ANO5: variants seen among roughly 807,000 people sequenced by gnomAD.
ANO5 encodes the protein anoctamin-5.
ANO5 carries 109 observed loss-of-function variants against 121.0 expected under a neutral mutation model. That is an observed-to-expected ratio of 0.90 (90% CI 0.77 to 1.06). The LOEUF (loss-of-function observed/expected upper bound fraction) is 1.06, where lower values mean the gene tolerates loss of function less well. Among genes scored for constraint, ANO5 ranks in the 50% least tolerant of loss-of-function variants. ANO5 has a pLI of 0.00. For synonymous variants in ANO5, 406 were observed against 359.9 expected, an observed-to-expected ratio of 1.13 and a Z score of -1.45; for missense variants, 1,064 against 1,078.5, an observed-to-expected ratio of 0.99 and a Z score of 0.19.
chr11:22,253,221 A>G (rs549261953), intron 12 of ANO5, among the ~76,000 whole-genome samples: 1 of 152,248 alleles, frequency 6.6e-6, no homozygotes, highest in East Asian at 1.9e-4. Flanking sequence ...TGTGATTCCT[A>G]TATACTTATA....
intron 2 of ANO5, among the ~76,000 whole-genome samples, chr11:22,205,734 G>A (rs1391929390): frequency 6.6e-6 from 1 of 151,990 alleles, no homozygotes; most frequent in African/African-American, 2.4e-5. Context: ...TGGCAGAAAG[G>A]GAGTTGCGCT....
intron 8 of ANO5, among the ~76,000 whole-genome samples, chr11:22,236,889 T>C (rs1047550100): frequency 6.6e-6 from 1 of 152,212 alleles, no homozygotes; most frequent in East Asian, 1.9e-4. Context: ...CAAATCATTG[T>C]ACAAAAACAT....
intron 9 of ANO5, among the ~76,000 whole-genome samples, chr11:22,242,743 G>A (rs898806182): frequency 6.6e-6 from 1 of 151,940 alleles, no homozygotes; most frequent in Non-Finnish European, 1.5e-5. Context: ...TTGCTTTTGG[G>A]TCCTGAAACT....
chr11:22,262,418 C>G (rs997487531), intron 16 of ANO5, 120 bp downstream of exon 16: 49 of 1,022,730 alleles, frequency 4.8e-5, no homozygotes, highest in Admixed American at 4.3e-5. Flanking sequence ...GGCACTGACT[C>G]TATCCACAGA....
At chr11:22,241,699 T>G (rs1853438443) in intron 9 of ANO5, among the ~76,000 whole-genome samples, 1 of 152,102 alleles carries the variant, frequency 6.6e-6, no homozygotes, top group African/African-American at 2.4e-5. Flanking sequence ...TTTTGAGAAG[T>G]GTCTCTTCAT....
intron 21 of ANO5, 141 bp downstream of exon 21, chr11:22,276,340 C>A: frequency 4.2e-6 from 3 of 718,044 alleles, no homozygotes; most frequent in Non-Finnish European, 7.4e-6. Flanking sequence ...TCATAAAAAG[C>A]ACCTTAGGGA....
rs12289912 is a variant in ANO5 at position 22,201,330 on chromosome 11, G to A, written c.41-2474G>A. Among the ~76,000 whole-genome samples the A allele has an allele frequency of 3.2e-3, 487 of 152,100 alleles. 2 individuals carry two copies. The highest frequency in any genetic ancestry group is 0.011 in the African/African-American group (468 of 41,512). Reference sequence around the variant, plus strand: ...TTTTCAGAAACTTATCTTCTTTTGCGGATAAAAAGATAGTAATTAAAATGC... The same window carrying A: ...TTTTCAGAAACTTATCTTCTTTTGCAGATAAAAAGATAGTAATTAAAATGC... On this transcript the variant is annotated intron_variant, in intron 1 of 21. Transcript: ENST00000324559.
At chr11:22,250,204 A>C (rs1853758264) in intron 9 of ANO5, 33 bp from the exon 10 acceptor site, 1 of 1,541,448 alleles carries the variant, frequency 6.5e-7, no homozygotes, top group Admixed American at 1.7e-5. Flanking sequence ...ACATTCTTCC[A>C]TATTCTGATT....
chr11:22,257,842 G>A (rs907466212), intron 14 of ANO5, 88 bp downstream of exon 14: 7 of 1,136,282 alleles, frequency 6.2e-6, no homozygotes, highest in Middle Eastern at 2.5e-4. Context: ...TGTCTCTTGA[G>A]TCTTTCCTTT....
intron 9 of ANO5, among the ~76,000 whole-genome samples, chr11:22,249,569 C>T (rs1330163985): frequency 6.6e-6 from 1 of 152,034 alleles, no homozygotes; most frequent in Non-Finnish European, 1.5e-5. Context: ...AAGTTAAAAA[C>T]AAAACACTTG....
At chr11:22,255,552 A>G in intron 13 of ANO5, 30 bp downstream of exon 13, 2 of 1,610,392 alleles carry the variant, frequency 1.2e-6, no homozygotes, top group Admixed American at 1.7e-5. Context: ...AACGGACAGC[A>G]TATCTCAATG....
At chr11:22,274,087 A>C (rs1448970329) in intron 19 of ANO5, among the ~76,000 whole-genome samples, 1 of 151,910 alleles carries the variant, frequency 6.6e-6, no homozygotes, top group East Asian at 1.9e-4. Context: ...CAAATACTGA[A>C]ATTAATTGCA....
At chr11:22,206,727 A>G (rs1263955351) in intron 2 of ANO5, among the ~76,000 whole-genome samples, 1 of 152,154 alleles carries the variant, frequency 6.6e-6, no homozygotes, top group African/African-American at 2.4e-5. Context: ...TTTATTAAAA[A>G]TAAACACAAA....
At chr11:22,232,006 G>A (rs1285199885) in intron 7 of ANO5, among the ~76,000 whole-genome samples, 1 of 151,962 alleles carries the variant, frequency 6.6e-6, no homozygotes, top group Non-Finnish European at 1.5e-5. Context: ...TAGCCATCCA[G>A]AAGCTCTAGT....
chr11:22,216,080 C>T (rs1852433071), intron 3 of ANO5, among the ~76,000 whole-genome samples: 1 of 151,838 alleles, frequency 6.6e-6, no homozygotes, highest in Non-Finnish European at 1.5e-5. Context: ...TTTGTCCACT[C>T]ATCCATTGAT....
chr11:22,273,461 A>G (rs989013191), intron 19 of ANO5, among the ~76,000 whole-genome samples: 3 of 152,148 alleles, frequency 2.0e-5, no homozygotes, highest in Non-Finnish European at 2.9e-5. Flanking sequence ...AAGAAAATCT[A>G]ACACTTTTAA....
intron 2 of ANO5, among the ~76,000 whole-genome samples, chr11:22,208,616 A>G (rs895331187): frequency 2.0e-5 from 3 of 151,946 alleles, no homozygotes; most frequent in Non-Finnish European, 4.4e-5. Flanking sequence ...GCTGGCTCTT[A>G]CCCAATTGTA....
chr11:22,220,355 A>T (rs1053937951), intron 4 of ANO5, among the ~76,000 whole-genome samples: 7 of 152,064 alleles, frequency 4.6e-5, no homozygotes, highest in Non-Finnish European at 8.8e-5. Context: ...CAAACATGAA[A>T]TCTCTTTCTT....
At chr11:22,194,874 A>C (rs1040175034) in intron 1 of ANO5, among the ~76,000 whole-genome samples, 2 of 152,202 alleles carry the variant, frequency 1.3e-5, no homozygotes, top group Admixed American at 1.3e-4. Context: ...TTTTGCTTCT[A>C]TGAATAATGC....
Sources: allele counts gnomAD v4.1 joint callset (sites outside exome capture counted in the v4.1 genomes callset), GRCh38; gene constraint gnomAD v4.1.1; transcripts MANE v1.5; gene names NCBI Gene and HGNC (gene_info 2026-07-23, HGNC 2026-07-21).